The following GDAP1 variants were observed in gnomAD, a reference collection of about 807,000 sequenced individuals.
GDAP1 encodes the protein ganglioside induced differentiation associated protein 1.
A neutral mutation model predicts 40.1 loss-of-function variants in GDAP1; 34 were observed. The observed-to-expected ratio is 0.85, with a 90% confidence interval of 0.64 to 1.13. GDAP1 has a LOEUF of 1.13. Among genes scored for constraint, GDAP1 ranks in the 50% most tolerant of loss-of-function variants. The probability of loss-of-function intolerance (pLI) is 0.00; values close to 1 mark genes in which losing one functional copy is unlikely to be tolerated. For synonymous variants in GDAP1, 170 were observed against 157.4 expected, an observed-to-expected ratio of 1.08 and a Z score of -0.60; for missense variants, 374 against 433.7, an observed-to-expected ratio of 0.86 and a Z score of 1.22.
intron 2 of GDAP1, among the ~76,000 whole-genome samples, chr8:74,463,491 G>A (rs1360913056): frequency 1.3e-5 from 2 of 151,724 alleles, no homozygotes; most frequent in Non-Finnish European, 2.9e-5. Flanking sequence ...TATTTTAACA[G>A]AGGTGCTACA....
chr8:74,463,420 C>T (rs1443992272), intron 2 of GDAP1, among the ~76,000 whole-genome samples: 1 of 150,642 alleles, frequency 6.6e-6, no homozygotes, highest in Admixed American at 6.6e-5. Context: ...ATGATTACAC[C>T]ACTGCACTCC....
At chr8:74,380,281 T>C (rs1181082468) in intron 2 of GDAP1, among the ~76,000 whole-genome samples, 1 of 152,218 alleles carries the variant, frequency 6.6e-6, no homozygotes, top group Non-Finnish European at 1.5e-5. Context: ...TGCATTGAAA[T>C]GATTAGTGAC....
chr8:74,398,505 T>A (rs1810252691), intron 2 of GDAP1, among the ~76,000 whole-genome samples: 1 of 152,194 alleles, frequency 6.6e-6, no homozygotes, highest in South Asian at 2.1e-4. Flanking sequence ...CAGGGACAAT[T>A]TGACTTCCTC....
chr8:74,403,508 A>G (rs193256403), intron 2 of GDAP1, among the ~76,000 whole-genome samples: 1 of 150,452 alleles, frequency 6.6e-6, no homozygotes, highest in Admixed American at 6.5e-5. Flanking sequence ...CAGATGGTGG[A>G]ATTTTCTTTT....
chr8:74,477,555 G>C (rs906236121), intron 2 of GDAP1, among the ~76,000 whole-genome samples: 1 of 151,984 alleles, frequency 6.6e-6, no homozygotes, highest in Non-Finnish European at 1.5e-5. Context: ...ATTTTAGGGG[G>C]CCAAGGCTCA....
intron 2 of GDAP1, among the ~76,000 whole-genome samples, chr8:74,412,278 A>G (rs1805724917): frequency 1.3e-5 from 2 of 150,190 alleles, no homozygotes; most frequent in Admixed American, 6.6e-5. Flanking sequence ...AAAGATACAT[A>G]GAGATGAGAA....
At chr8:74,380,763 A>G (rs1809938957) in intron 2 of GDAP1, among the ~76,000 whole-genome samples, 1 of 152,278 alleles carries the variant, frequency 6.6e-6, no homozygotes, top group African/African-American at 2.4e-5. Flanking sequence ...AACGGACAAT[A>G]TTGCAGTTAA....
intron 2 of GDAP1, among the ~76,000 whole-genome samples, chr8:74,450,824 T>C (rs542613580): frequency 0.81 from 1,746 of 2,158 alleles, 701 homozygotes; most frequent in Middle Eastern, 0.83. Flanking sequence ...TTGAATAATG[T>C]ATTTTTTTTC....
intron 2 of GDAP1, among the ~76,000 whole-genome samples, chr8:74,455,955 A>G (rs1188079246): frequency 1.3e-5 from 2 of 152,002 alleles, no homozygotes; most frequent in Non-Finnish European, 2.9e-5. Flanking sequence ...TAAATGAGAA[A>G]GATGAATTTT....
chr8:74,362,041 A>T, intron 4 of GDAP1, 63 bp downstream of exon 4: 1 of 854,002 alleles, frequency 1.2e-6, no homozygotes, highest in South Asian at 1.3e-5. Context: ...TACTTTTTGT[A>T]AAGTACCACT....
chr8:74,428,419 G>T (rs1805980337), intron 2 of GDAP1, among the ~76,000 whole-genome samples: 1 of 151,616 alleles, frequency 6.6e-6, no homozygotes, highest in Non-Finnish European at 1.5e-5. Context: ...TGGAAAGGGT[G>T]TCCACATTTT....
intron 2 of GDAP1, among the ~76,000 whole-genome samples, chr8:74,415,196 A>G (rs1805763042): frequency 6.7e-6 from 1 of 150,342 alleles, no homozygotes; most frequent in Non-Finnish European, 1.5e-5. Context: ...AGAAAACTTG[A>G]TATATTAGGA....
rs1296152193 is a variant in GDAP1 at position 74,364,940 on chromosome 8, A to C, written c.*573A>C. 1 of 454,130 alleles carries C rather than the reference A, an allele frequency of 2.2e-6. No homozygotes were observed. The highest frequency in any genetic ancestry group is 2.3e-5 in the Admixed American group (1 of 42,574). The allele number at this position is 454,130 out of a possible 1,614,324, so 28.1% of individuals were successfully genotyped here. A position where few individuals can be genotyped will look rare whatever the true frequency, so the allele number is the denominator to read the frequency against. On this transcript the variant is annotated 3_prime_UTR_variant, in exon 6 of 6. Coordinates refer to ENST00000220822, the MANE Select transcript of GDAP1 (RefSeq NM_018972.4). ...CACATCTGCCTAGCATTTCTGTAAA[A>C]GTCTTAAGTGATATTAAGATGATTC...
chr8:74,466,589 A>G (rs1806472713), intron 2 of GDAP1, among the ~76,000 whole-genome samples: 5 of 152,236 alleles, frequency 3.3e-5, no homozygotes, highest in Admixed American at 6.5e-5. Flanking sequence ...GTTGTGGAGG[A>G]CAGATCAAGG....
rs530927546 is a variant in GDAP1, at chr8:74,416,111, C to T, written c.165+64790C>T. Among the ~76,000 whole-genome samples the T allele has an allele frequency of 3.3e-5, 5 of 149,984 alleles. No individual in the cohort carries two copies. The East Asian group carries it at 9.7e-4, about 29-fold the overall frequency. ...CACTGTGAGCAGAGGCAGCTATGCT[C>T]TTCCCTGGATCATTACCCCAGTGGC... On this transcript the variant is annotated intron_variant, in intron 2 of 2. Transcript: ENST00000523640.
At chr8:74,404,063 T>G (rs1805604132) in intron 2 of GDAP1, among the ~76,000 whole-genome samples, 3 of 149,962 alleles carry the variant, frequency 2.0e-5, no homozygotes, top group Admixed American at 6.6e-5. Context: ...ACGAGACAAA[T>G]TAATTCGTGA....
chr8:74,437,066 C>G (rs1219013117), intron 2 of GDAP1, among the ~76,000 whole-genome samples: 1 of 152,182 alleles, frequency 6.6e-6, no homozygotes, highest in Admixed American at 6.5e-5. Context: ...ATAATGGCTA[C>G]AAACACAGAG....
At chr8:74,440,111 C>T (rs578003291) in intron 2 of GDAP1, among the ~76,000 whole-genome samples, 7 of 152,086 alleles carry the variant, frequency 4.6e-5, no homozygotes, top group Non-Finnish European at 1.0e-4. Context: ...TTTCACTGAA[C>T]CTTTCCCATG....
At chr8:74,355,509 A>G (rs939612336) in intron 2 of GDAP1, among the ~76,000 whole-genome samples, 20 of 152,206 alleles carry the variant, frequency 1.3e-4, no homozygotes, top group African/African-American at 4.1e-4. Context: ...TGTGGTGAGG[A>G]ATAGTTATTT....
Sources: gnomAD v4.1 joint callset for allele counts (sites outside exome capture counted in the v4.1 genomes callset) on GRCh38, gnomAD v4.1.1 for gene constraint, MANE v1.5 for transcripts, NCBI Gene and HGNC (gene_info 2026-07-23, HGNC 2026-07-21) for gene names.